The following GAN variants were observed in gnomAD, a reference collection of about 807,000 sequenced individuals.
GAN encodes epididymis secretory sperm binding protein.
A neutral mutation model predicts 71.3 loss-of-function variants in GAN; 48 were observed. The ratio of observed to expected loss-of-function variants is 0.67; its 90% CI spans 0.53 to 0.86. The LOEUF (loss-of-function observed/expected upper bound fraction) is 0.86. Among genes scored for constraint, GAN ranks in the 40% least tolerant of loss-of-function variants. The pLI, the probability that GAN is intolerant of heterozygous loss-of-function variation, is 0.00. For synonymous variants in GAN, 386 were observed against 276.8 expected (o/e 1.39, Z -3.92); for missense variants, 928 against 770.1 (o/e 1.21, Z -2.43).
intron 5 of GAN, among the ~76,000 whole-genome samples, chr16:81,361,060 T>C (rs1262065133): frequency 6.6e-6 from 1 of 152,026 alleles, no homozygotes; most frequent in Non-Finnish European, 1.5e-5. Flanking sequence ...CCATCTCTAC[T>C]AAAAGTACAA....
intron 6 of GAN, 126 bp downstream of exon 6, chr16:81,362,737 A>C: frequency 1.4e-6 from 1 of 713,368 alleles, no homozygotes; most frequent in Non-Finnish European, 2.6e-6. Context: ...ATTCGCTCCA[A>C]CCTCTCCTTC....
rs112244709 is a variant in GAN, at chr16:81,314,981, C to T, written c.-133C>T. 2.6e-4 allele frequency: 193 copies of T among 733,068 alleles called. No homozygotes were observed. Among genetic ancestry groups the T allele is most frequent in the African/African-American group, 4.3e-4 (23 of 53,636 alleles). 45.4% of individuals were successfully genotyped at this position (733,068 alleles called of 1,614,324 possible). On this transcript the variant is annotated 5_prime_UTR_variant, in exon 1 of 11. Coordinates refer to ENST00000648994, the MANE Select transcript of GAN (RefSeq NM_022041.4). Reference sequence around the variant, plus strand: ...CGCCGCGGATAGCACAGGCACGTCCCGGGGGCTCCAGCTTCTGCTCAGAGC... The same window carrying T: ...CGCCGCGGATAGCACAGGCACGTCCTGGGGGCTCCAGCTTCTGCTCAGAGC...
At chr16:81,377,094 TG>T (rs1904283997) in intron 9 of GAN, 124 bp from the exon 10 acceptor site, 1 of 774,378 alleles carries the variant, frequency 1.3e-6, no homozygotes. Flanking sequence ...CAGTGGAACG[TG>T]GGGTCGAGAT....
chr16:81,364,296 G>T (rs375784879), intron 7 of GAN, among the ~76,000 whole-genome samples: 12 of 152,088 alleles, frequency 7.9e-5, no homozygotes, highest in African/African-American at 2.9e-4. Context: ...TTGAGAGAGG[G>T]TCTTACTCTG....
chr16:81,360,605 G>A (rs1281656561), intron 5 of GAN, among the ~76,000 whole-genome samples: 2 of 143,942 alleles, frequency 1.4e-5, no homozygotes, highest in African/African-American at 5.2e-5. Flanking sequence ...ACAAATTCTT[G>A]TCTTTTTACA....
Position 81,377,406 on chromosome 16 carries a change from G to T in GAN, c.1613-9G>T, listed in dbSNP as rs748762608. ...CATTTTCTCACCCTTGCTTATTTCT[G>T]TGGCTTAGGTACCAATTACGACTAC... is the stretch of plus-strand genomic sequence containing the variant. On this transcript the variant is annotated splice_polypyrimidine_tract_variant and intron_variant, in intron 10 of 10. Coordinates refer to ENST00000648994, the MANE Select transcript of GAN (RefSeq NM_022041.4). 2 of 1,613,344 alleles carry T rather than the reference G, an allele frequency of 1.2e-6. No homozygotes were observed. Among genetic ancestry groups the T allele is most frequent in the South Asian group, 2.2e-5 (2 of 91,076 alleles).
intron 1 of GAN, among the ~76,000 whole-genome samples, chr16:81,338,366 C>T (rs1909834959): frequency 6.6e-6 from 1 of 152,074 alleles, no homozygotes; most frequent in Non-Finnish European, 1.5e-5. Flanking sequence ...ATAGAAAAGG[C>T]CTATTGATTC....
At chr16:81,355,345 A>G (rs1910451190) in intron 3 of GAN, among the ~76,000 whole-genome samples, 1 of 152,228 alleles carries the variant, frequency 6.6e-6, no homozygotes. Flanking sequence ...AGGAAGGAGC[A>G]AAATCACAGG....
chr16:81,356,058 C>G (rs531488786), intron 3 of GAN, among the ~76,000 whole-genome samples: 1 of 152,176 alleles, frequency 6.6e-6, no homozygotes, highest in Non-Finnish European at 1.5e-5. Context: ...CTGCCCTCTT[C>G]TTGCCTTAAA....
chr16:81,334,421 C>G (rs1165311997), intron 1 of GAN, among the ~76,000 whole-genome samples: 1 of 152,146 alleles, frequency 6.6e-6, no homozygotes, highest in African/African-American at 2.4e-5. Context: ...TTTCCTGAAA[C>G]CTTTCCTGAC....
chr16:81,323,719 T>G (rs1909289920), intron 1 of GAN, among the ~76,000 whole-genome samples: 1 of 152,194 alleles, frequency 6.6e-6, no homozygotes, highest in African/African-American at 2.4e-5. Context: ...CAGCAGCATC[T>G]ATGTACTGGC....
chr16:81,377,223 A>C lies in GAN; in HGVS notation c.1507A>C (p.Ile503Leu). The C allele has an allele frequency of 6.3e-7, 1 of 1,589,094 alleles. No individual in the cohort carries two copies. The highest frequency in any genetic ancestry group is 8.6e-7 in the Non-Finnish European group (1 of 1,157,374). Residue 503 changes from isoleucine to leucine, a missense_variant, in exon 10 of 11, where the codon ATC (isoleucine) becomes CTC (leucine). Coordinates refer to ENST00000648994, the MANE Select transcript of GAN (RefSeq NM_022041.4). ...GTGCATGGGCTTTGTTTTCAGGTGGATCTATCTTAACGACCAGAATTTATG... is the reference window on the plus strand; with the variant it reads ...GTGCATGGGCTTTGTTTTCAGGTGGCTCTATCTTAACGACCAGAATTTATG... ...EFYHDEFKRW[I>L]YLNDQNLCIP...
At chr16:81,374,286 C>T (rs1050170502) in intron 9 of GAN, among the ~76,000 whole-genome samples, 20 of 152,320 alleles carry the variant, frequency 1.3e-4, no homozygotes, top group Admixed American at 1.2e-3. Flanking sequence ...AAGGTGGTAT[C>T]TGTTAGATTT....
At chr16:81,325,639 C>T (rs191165504) in intron 1 of GAN, among the ~76,000 whole-genome samples, 1 of 152,274 alleles carries the variant, frequency 6.6e-6, no homozygotes, top group Admixed American at 6.5e-5. Context: ...GAGAGCAGCG[C>T]ACTGGGACAG....
At chr16:81,334,479 G>T (rs1909688642) in intron 1 of GAN, among the ~76,000 whole-genome samples, 1 of 152,172 alleles carries the variant, frequency 6.6e-6, no homozygotes, top group Admixed American at 6.5e-5. Context: ...GGCACATGTG[G>T]TATTGAGTAG....
intron 5 of GAN, among the ~76,000 whole-genome samples, chr16:81,359,381 C>A (rs1282800249): frequency 6.7e-6 from 1 of 150,244 alleles, no homozygotes; most frequent in Non-Finnish European, 1.5e-5. Flanking sequence ...TTGAGGAGGT[C>A]CTTCCGTTTG....
chr16:81,360,034 G>T (rs944284972), intron 5 of GAN, among the ~76,000 whole-genome samples: 2 of 129,062 alleles, frequency 1.5e-5, no homozygotes, highest in Admixed American at 1.6e-4. Flanking sequence ...TGGATGGATG[G>T]ATGGATGGAT....
intron 1 of GAN, among the ~76,000 whole-genome samples, chr16:81,317,175 T>C (rs773787318): frequency 4.6e-5 from 7 of 152,204 alleles, no homozygotes; most frequent in Non-Finnish European, 8.8e-5. Flanking sequence ...TTTTATTCAC[T>C]GCTTTACTCT....
chr16:81,377,165 T>G, intron 9 of GAN, 54 bp from the exon 10 acceptor site: 2 of 1,029,906 alleles, frequency 1.9e-6, no homozygotes, highest in Non-Finnish European at 3.1e-6. Flanking sequence ...TCTTCCTAGA[T>G]GTTGTTGTCA....
Sources: allele counts gnomAD v4.1 joint callset (sites outside exome capture counted in the v4.1 genomes callset), GRCh38; gene constraint gnomAD v4.1.1; transcripts MANE v1.5; gene names NCBI Gene and HGNC (gene_info 2026-07-23, HGNC 2026-07-21).